TOGARAM2: variants seen among roughly 807,000 people sequenced by gnomAD.
TOGARAM2 encodes the protein TOG array regulator of axonemal microtubules 2.
A neutral mutation model predicts 93.3 loss-of-function variants in TOGARAM2; 85 were observed. The ratio of observed to expected loss-of-function variants is 0.91; its 90% CI spans 0.76 to 1.09. The LOEUF (loss-of-function observed/expected upper bound fraction) is 1.09, where lower values mean the gene tolerates loss of function less well. TOGARAM2 is among the 50% of genes least tolerant of loss of function. The pLI, the probability that TOGARAM2 is intolerant of heterozygous loss-of-function variation, is 0.00. For missense variants in TOGARAM2, 1,277 were observed against 1,334.5 expected (o/e 0.96, Z 0.67); for synonymous variants, 593 against 552.8 (o/e 1.07, Z -1.02).
intron 1 of TOGARAM2, among the ~76,000 whole-genome samples, chr2:28,958,625 A>G (rs1671758395): frequency 6.6e-6 from 1 of 152,078 alleles, no homozygotes; most frequent in African/African-American, 2.4e-5. Context: ...TGGATTTTGG[A>G]GTGCACACGT....
chr2:29,035,520 G>A lies in TOGARAM2; in HGVS notation c.2282G>A (p.Gly761Glu). 2 of 1,561,532 alleles carry A rather than the reference G, an allele frequency of 1.3e-6. No homozygotes were observed. Among genetic ancestry groups the A allele is most frequent in the African/African-American group, 1.4e-5 (1 of 73,986 alleles). ...CTGCGCTCCACACTGCAGGGCCGCGGGGAGATGGTGGAGCAGCTACGGGAG... is the reference window on the plus strand; with the variant it reads ...CTGCGCTCCACACTGCAGGGCCGCGAGGAGATGGTGGAGCAGCTACGGGAG... ...VGLRSTLQGR[G>E]EMVEQLRELT... Residue 761 changes from glycine to glutamate, a missense_variant, in exon 17 of 20, where the codon GGG (glycine) becomes GAG (glutamate). Gly to Glu is a moderately conservative substitution (Grantham distance 98). Coordinates refer to ENST00000379558, the MANE Select transcript of TOGARAM2 (RefSeq NM_199280.4).
chr2:29,041,502 A>T (rs1267131268), intron 18 of TOGARAM2, among the ~76,000 whole-genome samples: 1 of 152,228 alleles, frequency 6.6e-6, no homozygotes. Context: ...AGGGGACTCC[A>T]GTCCGACTCC....
chr2:29,012,666 G>C (rs1017600548), intron 7 of TOGARAM2, among the ~76,000 whole-genome samples: 2 of 152,210 alleles, frequency 1.3e-5, no homozygotes, highest in African/African-American at 4.8e-5. Context: ...TGGGGTGGAG[G>C]TGAAGAAGTG....
Position 29,017,255 on chromosome 2 carries a change from G to A in TOGARAM2, c.1146G>A (p.Gln382=). The change falls in exon 9 of 20, where the codon CAG becomes CAA. Residue 382 remains glutamine (Q), a synonymous_variant. Transcript: ENST00000379558. ...LRRLEEPRTG[Q]ELTSQCLGSQ... is the part of the protein sequence containing the mutation. ...GGCTGGAGGAGCCCAGGACAGGGCA[G>A]GAGCTCACTTCCCAGTGCCTGGGCT... 6 of 1,613,684 alleles carry A rather than the reference G, an allele frequency of 3.7e-6. No homozygotes were observed. Among genetic ancestry groups the A allele is most frequent in the Non-Finnish European group, 5.1e-6 (6 of 1,179,762 alleles).
chr2:28,978,452 C>T (rs1284675471), upstream of TOGARAM2, among the ~76,000 whole-genome samples: 1 of 152,092 alleles, frequency 6.6e-6, no homozygotes. Context: ...CTTCTTGTTG[C>T]TAGACATAGA....
rs1666131460 is a variant in TOGARAM2 at position 29,036,650 on chromosome 2, C to T, written c.2528C>T (p.Pro843Leu). 2 of 1,613,926 alleles carry T rather than the reference C, an allele frequency of 1.2e-6. No homozygotes were observed. The highest frequency in any genetic ancestry group is 1.7e-6 in the Non-Finnish European group (2 of 1,179,842). The change falls in exon 18 of 20, where the codon CCC (proline) becomes CTC (leucine). Residue 843 changes from proline (P) to leucine (L), a missense_variant. Pro to Leu is a moderately conservative substitution (Grantham distance 98). Coordinates refer to ENST00000379558, the MANE Select transcript of TOGARAM2 (RefSeq NM_199280.4). ...CCCCTCCTCAGAGAGAGCTTACACC[C>T]CATGCTGCTCTCCATCATCATCACT... The part of the protein sequence containing the change: ...MIPLLRESLH[P>L]MLLSIIITVA...
At chr2:29,000,859 C>T (rs1448432481) in intron 4 of TOGARAM2, among the ~76,000 whole-genome samples, 1 of 152,196 alleles carries the variant, frequency 6.6e-6, no homozygotes, top group East Asian at 1.9e-4. Context: ...CGAGAAGCTT[C>T]CTTAGAACTT....
intron 1 of TOGARAM2, among the ~76,000 whole-genome samples, chr2:28,989,402 C>CT (rs1176357821): frequency 4.3e-5 from 2 of 47,032 alleles, no homozygotes; most frequent in African/African-American, 1.3e-4. Flanking sequence ...AGCATTATCT[C>CT]CTTTTTTTTT....
chr2:28,990,989 A>ATGTGT (rs1672697797), intron 1 of TOGARAM2, among the ~76,000 whole-genome samples: 1 of 48,522 alleles, frequency 2.1e-5, no homozygotes, highest in African/African-American at 8.9e-5. Flanking sequence ...GTGTGTGTGA[A>ATGTGT]GGGTGTGTGT....
rs752286670 is a variant in TOGARAM2 at position 29,033,544 on chromosome 2, G to A, written c.2206G>A (p.Gly736Arg). 27 of 1,613,508 alleles carry A rather than the reference G, an allele frequency of 1.7e-5. No individual in the cohort carries two copies. The highest frequency in any genetic ancestry group is 2.7e-5 in the African/African-American group (2 of 75,026). Residue 736 changes from glycine to arginine, a missense_variant, in exon 16 of 20, where the codon GGG becomes AGG. Transcript: ENST00000379558. ...GAGGAGTCTGGTGGTGTGTGAGAACGGGCTGCCCATCAAGGAGGGGTATGG... is the reference window on the plus strand; with the variant it reads ...GAGGAGTCTGGTGGTGTGTGAGAACAGGCTGCCCATCAAGGAGGGGTATGG... Reference protein sequence around the residue: ...VLRSLVVCENGLPIKEGLSCN... With the variant: ...VLRSLVVCENRLPIKEGLSCN...
upstream of TOGARAM2, among the ~76,000 whole-genome samples, chr2:28,979,714 G>A (rs72857416): frequency 0.19 from 28,527 of 152,158 alleles, 2,955 homozygotes; most frequent in African/African-American, 0.26. Flanking sequence ...GGAGCTGAAG[G>A]AGGATGCAGT....
chr2:29,014,274 G>A, intron 7 of TOGARAM2, 121 bp from the exon 8 acceptor site: 1 of 1,204,052 alleles, frequency 8.3e-7, no homozygotes, highest in Non-Finnish European at 1.2e-6. Flanking sequence ...CTCAGGTCTT[G>A]CTCCATTGAG....
Position 29,016,378 on chromosome 2 carries a change from C to T in TOGARAM2, c.1045-776C>T, listed in dbSNP as rs147572491. ...TGTGAGGCTAGCTCCAGACCCTTCC[C>T]GTGCAGCAGCTGGCATGAGCCTTAG... On this transcript the variant is annotated intron_variant, in intron 8 of 19. Transcript: ENST00000379558. 1.9e-4 allele frequency among the ~76,000 whole-genome samples: 29 copies of T among 152,248 alleles called. No individual in the cohort carries two copies. In the East Asian group the frequency reaches 5.0e-3, roughly 26 times the overall value.
chr2:29,028,139 A>G (rs1665525913), intron 14 of TOGARAM2, among the ~76,000 whole-genome samples: 1 of 152,224 alleles, frequency 6.6e-6, no homozygotes, highest in African/African-American at 2.4e-5. Flanking sequence ...AGGGCTTATT[A>G]CTACCACATC....
intron 7 of TOGARAM2, among the ~76,000 whole-genome samples, chr2:29,014,176 G>T (rs1293070251): frequency 1.3e-5 from 2 of 152,208 alleles, no homozygotes; most frequent in East Asian, 3.8e-4. Flanking sequence ...GGAATAAAGT[G>T]TGCAGTGAAT....
chr2:29,034,527 T>C (rs1201694839), intron 16 of TOGARAM2, among the ~76,000 whole-genome samples: 6 of 152,266 alleles, frequency 3.9e-5, no homozygotes, highest in Non-Finnish European at 8.8e-5. Context: ...CAGTAGACAA[T>C]GAGTGTGGAA....
Position 29,035,488 on chromosome 2 carries a change from G to T in TOGARAM2, c.2250G>T (p.Leu750=), listed in dbSNP as rs1430918542. The T allele has an allele frequency of 7.5e-6, 11 of 1,470,760 alleles. No homozygotes were observed. The East Asian group carries it at 2.5e-4, about 33-fold the overall frequency. The allele number at this position is 1,470,760 out of a possible 1,614,324, so 91.1% of individuals were successfully genotyped here. The change falls in exon 17 of 20, where the codon CTG becomes CTT. Residue 750 remains leucine, a synonymous_variant. Transcript: ENST00000379558. ...KEGLSCNGPR[L]VGLRSTLQGR... ...GGCTCAGCTGCAATGGCCCAAGGCT[G>T]GTGGGGCTGCGCTCCACACTGCAGG...
intron 2 of TOGARAM2, among the ~76,000 whole-genome samples, chr2:28,995,188 T>C (rs1316481438): frequency 6.6e-6 from 1 of 152,206 alleles, no homozygotes; most frequent in Admixed American, 6.5e-5. Flanking sequence ...GGGCAGGGGA[T>C]ATGGGCCGGG....
intron 10 of TOGARAM2, among the ~76,000 whole-genome samples, 153 bp from the exon 11 acceptor site, chr2:29,022,005 G>A (rs114872167): frequency 4.3e-4 from 66 of 152,310 alleles, no homozygotes; most frequent in African/African-American, 1.5e-3. Context: ...TGGGTTCTTA[G>A]CCTCACCAGG....
Sources: gnomAD v4.1 joint callset for allele counts (sites outside exome capture counted in the v4.1 genomes callset) on GRCh38, gnomAD v4.1.1 for gene constraint, MANE v1.5 for transcripts, NCBI Gene and HGNC (gene_info 2026-07-23, HGNC 2026-07-21) for gene names.